Variants in SRC observed in about 807,000 individuals in gnomAD.
The protein encoded by SRC is proto-oncogene tyrosine-protein kinase Src.
A neutral mutation model predicts 62.9 loss-of-function variants in SRC; 13 were observed. That is an observed-to-expected ratio of 0.21 (90% CI 0.13 to 0.33). SRC has a LOEUF of 0.33. SRC is among the 10% of genes least tolerant of loss of function. SRC has a pLI of 1.00. For missense variants in SRC, 457 were observed against 737.3 expected (o/e 0.62, Z 4.40); for synonymous variants, 302 against 317.5 (o/e 0.95, Z 0.52).
Position 37,403,373 on chromosome 20 carries a change from C to A in SRC, c.1605C>A (p.Asn535Lys). ...STEPQYQPGE[N>K]L is the part of the protein sequence containing the mutation. ...AGCCCCAGTACCAGCCCGGGGAGAA[C>A]CTCTAGGCACAGGCGGGCCCAGACC... The change falls in exon 14 of 14, where the codon AAC becomes AAA. Residue 535 changes from asparagine to lysine, a missense_variant. Asn to Lys is a moderately conservative substitution (Grantham distance 94, BLOSUM62 0). This residue lies in a region of SRC where 168 missense variants were observed against 357.8 expected (regional missense o/e 0.47). Coordinates refer to ENST00000373578, the MANE Select transcript of SRC (RefSeq NM_198291.3). This position sits in a 1 kb window ranked among gnomAD's most constrained non-coding sequence, Gnocchi z 7.1. 6.2e-7 allele frequency: 1 copy of A among 1,600,066 alleles called. No homozygotes were observed. Among genetic ancestry groups the A allele is most frequent in the South Asian group, 1.1e-5 (1 of 88,834 alleles).
At chr20:37,386,016 G>T in intron 4 of SRC, 59 bp from the exon 5 acceptor site, 1 of 1,394,088 alleles carries the variant, frequency 7.2e-7, no homozygotes, top group South Asian at 1.2e-5. Flanking sequence ...GGGCCATCCT[G>T]CCCATGCCTT....
At chr20:37,349,425 C>T (rs1433782294) in intron 1 of SRC, among the ~76,000 whole-genome samples, 2 of 152,156 alleles carry the variant, frequency 1.3e-5, no homozygotes, top group African/African-American at 4.8e-5. Context: ...GTCAGACAGG[C>T]CTGGGTTTAT....
At chr20:37,356,441 G>A (rs2069883048) in intron 1 of SRC, among the ~76,000 whole-genome samples, 1 of 152,140 alleles carries the variant, frequency 6.6e-6, no homozygotes, top group African/African-American at 2.4e-5. Context: ...CCTGGTGGCC[G>A]CACTGAGAAC....
chr20:37,344,808 C>T (rs1187779138), upstream of SRC: 2 of 152,314 alleles, frequency 1.3e-5, no homozygotes, highest in African/African-American at 2.4e-5. Context: ...ATTCATCTAG[C>T]ACAACCTGAC....
At chr20:37,350,253 G>C (rs1469988314) in intron 1 of SRC, among the ~76,000 whole-genome samples, 2 of 152,208 alleles carry the variant, frequency 1.3e-5, no homozygotes, top group African/African-American at 4.8e-5. Context: ...AAGTAGGATA[G>C]TGAGTCATGG....
Position 37,390,593 on chromosome 20 carries a change from A to C in SRC, c.351-3302A>C, listed in dbSNP as rs552334980. Reference sequence around the variant, plus strand: ...GCTAATTTTTATATTTTTATTAGAGACGGGGTTTCGCCATGTTGCTGGGCT... The same window carrying C: ...GCTAATTTTTATATTTTTATTAGAGCCGGGGTTTCGCCATGTTGCTGGGCT... On this transcript the variant is annotated intron_variant, in intron 5 of 13. Transcript: ENST00000373578. Among the ~76,000 whole-genome samples the C allele has an allele frequency of 1.4e-3, 217 of 151,616 alleles. 1 individual carries two copies. The highest frequency in any genetic ancestry group is 5.0e-3 in the African/African-American group (207 of 41,344).
At chr20:37,365,961 G>A (rs1252047404) in intron 2 of SRC, among the ~76,000 whole-genome samples, 1 of 151,394 alleles carries the variant, frequency 6.6e-6, no homozygotes, top group Non-Finnish European at 1.5e-5. Flanking sequence ...TTTTTCTCTT[G>A]ACAGTGTACC....
chr20:37,359,902 A>AT (rs971535350), intron 1 of SRC, among the ~76,000 whole-genome samples: 17 of 147,108 alleles, frequency 1.2e-4, no homozygotes, highest in South Asian at 4.3e-4. Flanking sequence ...AGGGCCAAGC[A>AT]TTTTTTTTTT....
intron 2 of SRC, among the ~76,000 whole-genome samples, chr20:37,367,741 G>A (rs1048211302): frequency 1.3e-5 from 2 of 151,816 alleles, no homozygotes; most frequent in Admixed American, 1.3e-4. Context: ...CAAATTCCTG[G>A]GCTCAAGCAA....
intron 2 of SRC, among the ~76,000 whole-genome samples, chr20:37,365,552 C>T (rs1427961663): frequency 1.3e-5 from 2 of 152,086 alleles, no homozygotes; most frequent in East Asian, 3.8e-4. Flanking sequence ...ATATTTTTAG[C>T]TTCTGCACTT....
intron 2 of SRC, among the ~76,000 whole-genome samples, chr20:37,377,594 G>A (rs1480871504): frequency 3.3e-5 from 5 of 152,214 alleles, no homozygotes; most frequent in Non-Finnish European, 5.9e-5. Context: ...GGGACACGCC[G>A]TGGGAGCATG....
chr20:37,392,760 C>T (rs2070572705), intron 5 of SRC, among the ~76,000 whole-genome samples: 1 of 152,134 alleles, frequency 6.6e-6, no homozygotes. Flanking sequence ...TTGACCTCTC[C>T]TCACTCCCTG....
chr20:37,376,476 G>A (rs2070280608), intron 2 of SRC, among the ~76,000 whole-genome samples: 1 of 152,148 alleles, frequency 6.6e-6, no homozygotes, highest in Non-Finnish European at 1.5e-5. Flanking sequence ...ATCTGAACCT[G>A]GCATTCTGGC....
intron 3 of SRC, chr20:37,383,739 C>CTT (rs888134456): frequency 1.2e-5 from 2 of 160,868 alleles, no homozygotes; most frequent in South Asian, 1.5e-4. Context: ...TCTTTTCTTT[C>CTT]TTTTTTTTTT....
At chr20:37,367,058 C>T (rs932287356) in intron 2 of SRC, among the ~76,000 whole-genome samples, 2 of 151,620 alleles carry the variant, frequency 1.3e-5, no homozygotes, top group Non-Finnish European at 2.9e-5. Flanking sequence ...AGCCATCCAT[C>T]CTAGTGTCTG....
chr20:37,396,689 C>G lies in SRC; in HGVS notation c.703+378C>G. ...CCCTAGGACCGGTCTGAACCGGTTGCTGGGAGAGGAGGAGGGGGCGGCCAG... is the reference window on the plus strand; with the variant it reads ...CCCTAGGACCGGTCTGAACCGGTTGGTGGGAGAGGAGGAGGGGGCGGCCAG... On this transcript the variant is annotated intron_variant, in intron 8 of 13. Coordinates refer to ENST00000373578, the MANE Select transcript of SRC (RefSeq NM_198291.3). This position sits in a 1 kb window ranked among gnomAD's most constrained non-coding sequence, Gnocchi z 6.1. The G allele has an allele frequency of 4.7e-6, 1 of 210,656 alleles. No individual in the cohort carries two copies. Among genetic ancestry groups the G allele is most frequent in the East Asian group, 1.1e-4 (1 of 9,156 alleles). 13.0% of individuals were successfully genotyped at this position (210,656 alleles called of 1,614,324 possible).
intron 10 of SRC, among the ~76,000 whole-genome samples, chr20:37,401,267 T>C (rs1295795890): frequency 3.3e-5 from 5 of 152,150 alleles, no homozygotes; most frequent in African/African-American, 4.8e-5. Flanking sequence ...CCTCCCACAG[T>C]GCTGGGATTG....
At chr20:37,394,872 C>T (rs1231155143) in intron 7 of SRC, among the ~76,000 whole-genome samples, 1 of 152,108 alleles carries the variant, frequency 6.6e-6, no homozygotes, top group African/African-American at 2.4e-5. Flanking sequence ...TACGAGCAGT[C>T]GTGCAGCCAT....
chr20:37,400,634 C>T (rs2070723613), intron 10 of SRC, among the ~76,000 whole-genome samples: 2 of 151,880 alleles, frequency 1.3e-5, no homozygotes, highest in Non-Finnish European at 1.5e-5. Context: ...CTCCCACTTC[C>T]ACCTCCCAAA....
Sources: allele counts gnomAD v4.1 joint callset (sites outside exome capture counted in the v4.1 genomes callset), GRCh38; gene constraint gnomAD v4.1.1; regional missense constraint gnomAD v4.1.1; non-coding constraint Gnocchi (gnomAD v3.1); transcripts MANE v1.5; gene names NCBI Gene and HGNC (gene_info 2026-07-23, HGNC 2026-07-21).